The following PSG6 variants were observed in gnomAD, a reference collection of about 807,000 sequenced individuals.
The protein encoded by PSG6 is pregnancy specific beta-1-glycoprotein 6.
PSG6 carries 51 observed loss-of-function variants against 43.3 expected under a neutral mutation model. That is an observed-to-expected ratio of 1.18 (90% CI 0.94 to 1.49). PSG6 has a LOEUF of 1.49. Ranked by LOEUF, PSG6 falls within the 40% of genes most tolerant of loss-of-function variation. The probability of loss-of-function intolerance (pLI) is 0.00; values close to 1 mark genes in which losing one functional copy is unlikely to be tolerated. For missense variants in PSG6, 770 were observed against 522.2 expected (o/e 1.47, Z -4.62); for synonymous variants, 292 against 197.6 (o/e 1.48, Z -4.01).
intron 5 of PSG6, among the ~76,000 whole-genome samples, chr19:42,905,564 C>A (rs1004974726): frequency 2.0e-5 from 3 of 151,600 alleles, no homozygotes; most frequent in East Asian, 1.9e-4. Context: ...CAGCAATTCC[C>A]CTTCTGGACA....
Position 42,907,832 on chromosome 19 carries a change from G to C in PSG6, c.729C>G (p.Ile243Met), listed in dbSNP as rs200331954. Residue 243 changes from isoleucine (I) to methionine (M), a missense_variant, in exon 4 of 6, where the codon ATC (isoleucine) becomes ATG (methionine). Physicochemically the swap from Ile to Met is conservative, Grantham distance 10 (BLOSUM62 1). Transcript: ENST00000187910. ...NLLPKLPMPY[I>M]TINNLNPREK... ...CCCTGGGGTTTAAGTTGTTGATGGT[G>C]ATGTAAGGCATGGGCAGCTTCGCTG... 85 of 1,611,554 alleles carry C rather than the reference G, an allele frequency of 5.3e-5. 2 individuals are homozygous for C. In the Middle Eastern group the frequency reaches 5.4e-4, roughly 10 times the overall value.
chr19:42,909,133 T>C (rs1217511277), intron 3 of PSG6, among the ~76,000 whole-genome samples: 5 of 151,852 alleles, frequency 3.3e-5, no homozygotes, highest in East Asian at 1.9e-4. Context: ...GTAAAATGCT[T>C]CAGTGAGCAT....
At position 42,907,789 on chromosome 19, in the gene PSG6, C is replaced by T. The variant is rs1065515; in HGVS notation, c.772G>A (p.Ala258Thr). 106 of 1,611,212 alleles carry T rather than the reference C, an allele frequency of 6.6e-5. 4 individuals carry two copies. The East Asian group carries it at 1.6e-3, about 25-fold the overall frequency. Residue 258 changes from alanine (A) to threonine (T), a missense_variant, in exon 4 of 6, where the codon GCC becomes ACC. By Grantham distance (58) the Ala-to-Thr change is moderately conservative. Transcript: ENST00000187910. The part of the protein sequence containing the change: ...LNPREKKDVL[A>T]FTCEPKSRNY... ...CGACTCTTAGGTTCACAGGTGAAGG[C>T]TAACACATCCTTCTTCTCCCTGGGG...
chr19:42,906,766 G>A, intron 5 of PSG6, 156 bp downstream of exon 5: 2 of 1,582,914 alleles, frequency 1.3e-6, no homozygotes, highest in Non-Finnish European at 1.7e-6. Context: ...AAGAGAGTCT[G>A]TAGAGATAAG....
rs1972075900 is a variant in PSG6, at chr19:42,904,035, A to C, written c.1241-1589T>G. ...TAGATGAAATAGACAAACTCCTAGAAACACACAAAAATATGAATATAACTA... is the reference window on the plus strand; with the variant it reads ...TAGATGAAATAGACAAACTCCTAGACACACACAAAAATATGAATATAACTA... On this transcript the variant is annotated intron_variant, in intron 5 of 5. Transcript: ENST00000187910. Among the ~76,000 whole-genome samples the C allele has an allele frequency of 4.6e-5, 7 of 151,974 alleles. No homozygotes were observed. In the South Asian group the frequency reaches 1.5e-3, roughly 32 times the overall value.
intron 5 of PSG6, chr19:42,906,507 G>A: frequency 8.1e-7 from 1 of 1,241,612 alleles, no homozygotes; most frequent in Non-Finnish European, 1.0e-6. Flanking sequence ...TCATTTGGGG[G>A]AAAAGTGTGA....
rs758988622 is a variant in PSG6 at position 42,910,459 on chromosome 19, G to C, written c.706+121C>G. The C allele has an allele frequency of 2.5e-6, 4 of 1,609,102 alleles. No homozygotes were observed. The African/African-American group carries it at 5.4e-5, about 22-fold the overall frequency. On this transcript the variant is annotated intron_variant, in intron 3 of 5. Coordinates refer to ENST00000187910, the MANE Select transcript of PSG6 (RefSeq NM_001031850.4). ...TGCCTGGAGCAGAAAGTCATGGCCA[G>C]CTTTGATGTTCAGGGATAAAGGTCT...
intron 2 of PSG6, chr19:42,915,774 C>A: frequency 2.4e-6 from 1 of 425,448 alleles, no homozygotes; most frequent in South Asian, 5.7e-5. Context: ...GAGGGTATCT[C>A]AGTGGGCCCC....
In PSG6 at chr19:42,907,644, G is replaced by C. The variant is rs760117714; in HGVS notation, c.917C>G (p.Pro306Arg). 1.9e-6 allele frequency: 3 copies of C among 1,611,626 alleles called. No individual in the cohort carries two copies. Among genetic ancestry groups the C allele is most frequent in the African/African-American group, 2.7e-5 (2 of 74,842 alleles). Residue 306 changes from proline (P) to arginine (R), a missense_variant, in exon 4 of 6, where the codon CCC (proline) becomes CGC (arginine). Transcript: ENST00000187910. ...LPSVTRNETG[P>R]YQCEIRDRYG... ...TCGGTCCCGTATTTCACATTGATAG[G>C]GTCCTGTTTCATTTCTCGTGACACT...
intron 3 of PSG6, among the ~76,000 whole-genome samples, chr19:42,908,310 A>T (rs1972157263): frequency 6.6e-6 from 1 of 151,700 alleles, no homozygotes; most frequent in Non-Finnish European, 1.5e-5. Context: ...GGGACTTCCC[A>T]TTGTCCTGAA....
intron 2 of PSG6, among the ~76,000 whole-genome samples, chr19:42,914,990 A>T (rs188300288): frequency 4.6e-5 from 7 of 151,748 alleles, no homozygotes; most frequent in African/African-American, 1.7e-4. Flanking sequence ...AGTACAGACT[A>T]ATCAGCTGAC....
At chr19:42,910,554 C>G in intron 3 of PSG6, 26 bp downstream of exon 3, 1 of 1,612,556 alleles carries the variant, frequency 6.2e-7, no homozygotes, top group South Asian at 1.1e-5. Flanking sequence ...GGCAGCCTGG[C>G]TCACAGAGGA....
intron 2 of PSG6, among the ~76,000 whole-genome samples, chr19:42,915,094 C>T (rs1972300070): frequency 6.6e-6 from 1 of 151,446 alleles, no homozygotes; most frequent in African/African-American, 2.4e-5. Context: ...AGTAAGCCCT[C>T]ACTTCTGGTA....
intron 3 of PSG6, among the ~76,000 whole-genome samples, chr19:42,908,610 C>T (rs773147811): frequency 2.0e-4 from 30 of 151,702 alleles, no homozygotes; most frequent in Non-Finnish European, 4.0e-4. Flanking sequence ...TCCTCTCCTT[C>T]TGCAGAGGGC....
intron 2 of PSG6, among the ~76,000 whole-genome samples, chr19:42,914,324 C>T (rs147098470): frequency 0.03 from 4,486 of 151,242 alleles, 298 homozygotes; most frequent in African/African-American, 0.1. Flanking sequence ...AACAGAACAG[C>T]CAGCCTAGTT....
chr19:42,910,766 C>T lies in PSG6; in HGVS notation c.520G>A (p.Asp174Asn), dbSNP rs201170696. The change falls in exon 3 of 6, where the codon GAT becomes AAT. Residue 174 changes from aspartate (D) to asparagine (N), a missense_variant. Transcript: ENST00000187910. The part of the protein sequence containing the change: ...VRLICDPETP[D>N]ASYLWLLNGQ... ...TTCAGCAACCACAGGTAGCTTGCATCCGGAGTCTCAGGATCACAGATTAAG... is the reference window on the plus strand; with the variant it reads ...TTCAGCAACCACAGGTAGCTTGCATTCGGAGTCTCAGGATCACAGATTAAG... 1.6e-5 allele frequency: 25 copies of T among 1,612,340 alleles called. No individual in the cohort carries two copies. The highest frequency in any genetic ancestry group is 2.1e-5 in the Non-Finnish European group (25 of 1,179,242).
At position 42,903,217 on chromosome 19, in the gene PSG6, A is replaced by G. The variant is rs542047657; in HGVS notation, c.1241-771T>C. Reference sequence around the variant, plus strand: ...TGTGGCATCTTGTTTCATTGACTGCATTAAACCTTTAAAAGAATGGTATGA... The same window carrying G: ...TGTGGCATCTTGTTTCATTGACTGCGTTAAACCTTTAAAAGAATGGTATGA... On this transcript the variant is annotated intron_variant, in intron 5 of 5. Transcript: ENST00000187910. Among the ~76,000 whole-genome samples the G allele has an allele frequency of 6.6e-5, 10 of 151,764 alleles. 1 individual carries two copies. The highest frequency in any genetic ancestry group is 1.7e-4 in the African/African-American group (7 of 41,410).
Position 42,916,138 on chromosome 19 carries a change from A to G in PSG6, c.414T>C (p.Thr138=), listed in dbSNP as rs76022539. The G allele has an allele frequency of 6.3e-3, 10,080 of 1,611,392 alleles. 697 individuals are homozygous for G. The African/African-American group carries it at 0.11, about 18-fold the overall frequency. ...DGTGGVTGYF[T]VTLYSETPKP... is the part of the protein sequence containing the mutation. Reference sequence around the variant, plus strand: ...GGAATCACTCACAGTATAAGGTGACAGTGAAATATCCAGTTACTCCTCCAG... The same window carrying G: ...GGAATCACTCACAGTATAAGGTGACGGTGAAATATCCAGTTACTCCTCCAG... The change falls in exon 2 of 6, where the codon ACT becomes ACC. Residue 138 remains threonine (T), a synonymous_variant. Transcript: ENST00000187910.
chr19:42,915,974 C>G (rs1972317392), intron 2 of PSG6, 151 bp downstream of exon 2: 4 of 1,324,600 alleles, frequency 3.0e-6, no homozygotes, highest in African/African-American at 3.0e-5. Context: ...TGTGTCTCCT[C>G]TGTGTGTGTC....
Sources: allele counts gnomAD v4.1 joint callset (sites outside exome capture counted in the v4.1 genomes callset), GRCh38; gene constraint gnomAD v4.1.1; transcripts MANE v1.5; gene names NCBI Gene and HGNC (gene_info 2026-07-23, HGNC 2026-07-21).